CACNB4: variants seen among roughly 807,000 people sequenced by gnomAD.
The protein encoded by CACNB4 is calcium voltage-gated channel auxiliary subunit beta 4.
In CACNB4, 32 loss-of-function variants were observed where a neutral mutation model predicts 71.2. The ratio of observed to expected loss-of-function variants is 0.45; its 90% CI spans 0.34 to 0.60. The LOEUF is 0.60. CACNB4 is among the 20% of genes least tolerant of loss of function. CACNB4 has a pLI of 0.01. For missense variants in CACNB4, 464 were observed against 647.9 expected, an observed-to-expected ratio of 0.72 and a Z score of 3.08; for synonymous variants, 231 against 236.9, an observed-to-expected ratio of 0.97 and a Z score of 0.23.
At chr2:151,897,155 C>T (rs554613473) in intron 2 of CACNB4, among the ~76,000 whole-genome samples, 31 of 152,220 alleles carry the variant, frequency 2.0e-4, no homozygotes, top group Non-Finnish European at 3.7e-4. Flanking sequence ...AAAGCTCTTT[C>T]GAGGTCCTAT....
At chr2:152,021,592 T>G (rs1683670586) in intron 2 of CACNB4, among the ~76,000 whole-genome samples, 1 of 152,208 alleles carries the variant, frequency 6.6e-6, no homozygotes, top group African/African-American at 2.4e-5. Flanking sequence ...CTGTCAAAAC[T>G]TGCATAAATA....
chr2:152,098,659 C>T lies in CACNB4; in HGVS notation c.64-246G>A, dbSNP rs1327498898. 6.4e-7 allele frequency: 1 copy of T among 1,563,092 alleles called. No homozygotes were observed. Among genetic ancestry groups the T allele is most frequent in the Admixed American group, 1.9e-5 (1 of 53,906 alleles). On this transcript the variant is annotated intron_variant, in intron 1 of 13. Transcript: ENST00000539935. The surrounding 1 kb of genome is among the most constrained non-coding windows in gnomAD (Gnocchi z 5.3). The stretch of plus-strand genomic sequence containing the variant: ...CACCCACCACATCCATTAACAAAGA[C>T]TCTCAGGGTGCGGGGTCCGAGTCCC...
chr2:151,927,559 A>G (rs2099860561), intron 2 of CACNB4, among the ~76,000 whole-genome samples: 1 of 152,234 alleles, frequency 6.6e-6, no homozygotes, highest in Admixed American at 6.5e-5. Flanking sequence ...AGCAGAAGGT[A>G]TGAACAAATT....
chr2:151,975,554 G>A (rs560950875), intron 2 of CACNB4, among the ~76,000 whole-genome samples: 1 of 152,178 alleles, frequency 6.6e-6, no homozygotes, highest in South Asian at 2.1e-4. Flanking sequence ...GATGAGTGCA[G>A]TCAACGGGAT....
chr2:152,045,619 A>T (rs199608624), intron 2 of CACNB4, among the ~76,000 whole-genome samples: 11 of 7,918 alleles, frequency 1.4e-3, no homozygotes, highest in African/African-American at 2.1e-3. Flanking sequence ...ACCACATTTT[A>T]AAAAAAAAAA....
At chr2:151,867,823 C>G (rs1055231683) in intron 9 of CACNB4, 6 of 152,194 alleles carry the variant, frequency 3.9e-5, no homozygotes, top group Non-Finnish European at 5.9e-5. Flanking sequence ...CCCCAAATGA[C>G]AGAGGGAACA....
At chr2:152,054,285 G>A (rs1685609525) in intron 2 of CACNB4, among the ~76,000 whole-genome samples, 1 of 149,314 alleles carries the variant, frequency 6.7e-6, no homozygotes, top group Non-Finnish European at 1.5e-5. Flanking sequence ...AGAATGGCGT[G>A]AACCCGGGAG....
rs190350247 is a variant in CACNB4, at chr2:151,942,747, G to A, written c.148-59377C>T. 2.3e-3 allele frequency among the ~76,000 whole-genome samples: 350 copies of A among 152,262 alleles called. 2 individuals carry two copies. Among genetic ancestry groups the A allele is most frequent in the African/African-American group, 8.0e-3 (334 of 41,564 alleles). On this transcript the variant is annotated intron_variant, in intron 2 of 13. Transcript: ENST00000539935. ...CTAGGAATGTCTGTCCTATGCGGTTGAGATAAGGACTGAGATATGCCATGA... is the reference window on the plus strand; with the variant it reads ...CTAGGAATGTCTGTCCTATGCGGTTAAGATAAGGACTGAGATATGCCATGA...
At chr2:151,933,858 T>C (rs73001816) in intron 2 of CACNB4, among the ~76,000 whole-genome samples, 9,854 of 152,036 alleles carry the variant, frequency 0.065, 1,034 homozygotes, top group African/African-American at 0.23. Context: ...TCCTAAGACA[T>C]AGCAACTCAA....
chr2:151,895,922 T>G (rs1373660305), intron 2 of CACNB4, among the ~76,000 whole-genome samples: 8 of 151,536 alleles, frequency 5.3e-5, no homozygotes, highest in Non-Finnish European at 1.2e-4. Context: ...TCAGCTCACA[T>G]GCTCCTCTGC....
intron 2 of CACNB4, among the ~76,000 whole-genome samples, chr2:151,964,182 C>T (rs774819674): frequency 1.3e-5 from 2 of 151,538 alleles, no homozygotes; most frequent in African/African-American, 2.4e-5. Flanking sequence ...GGCTAAACCA[C>T]GCTGCACAGC....
At chr2:151,970,652 G>A (rs1454705784) in intron 2 of CACNB4, 4 of 152,234 alleles carry the variant, frequency 2.6e-5, no homozygotes, top group Non-Finnish European at 4.4e-5. Flanking sequence ...AGTGAAGGTA[G>A]AATAGGCAGC....
chr2:152,090,648 A>G (rs1354277384), intron 2 of CACNB4, among the ~76,000 whole-genome samples: 1 of 151,834 alleles, frequency 6.6e-6, no homozygotes, highest in Non-Finnish European at 1.5e-5. Context: ...CATCTCAAAA[A>G]AAAAAAAGAA....
chr2:151,924,855 G>C (rs1326216008), intron 2 of CACNB4, among the ~76,000 whole-genome samples: 1 of 151,832 alleles, frequency 6.6e-6, no homozygotes, highest in Non-Finnish European at 1.5e-5. Flanking sequence ...GTTGAGGTGT[G>C]GTAAGGATAG....
chr2:151,912,611 C>T (rs2099856471), intron 2 of CACNB4, among the ~76,000 whole-genome samples: 1 of 152,156 alleles, frequency 6.6e-6, no homozygotes, highest in Non-Finnish European at 1.5e-5. Flanking sequence ...AGAATAAATG[C>T]CAGGTGGCAC....
At chr2:151,846,111 T>A (rs2099837496) in intron 12 of CACNB4, among the ~76,000 whole-genome samples, 1 of 152,156 alleles carries the variant, frequency 6.6e-6, no homozygotes, top group Admixed American at 6.5e-5. Context: ...ATTTACAGAG[T>A]AAGAAGTAAT....
At chr2:151,886,378 A>G (rs1443317694) in intron 2 of CACNB4, among the ~76,000 whole-genome samples, 1 of 152,024 alleles carries the variant, frequency 6.6e-6, no homozygotes, top group East Asian at 1.9e-4. Context: ...CTGAATACAC[A>G]CTCCACTACT....
chr2:152,077,510 G>A (rs578027084), intron 2 of CACNB4, among the ~76,000 whole-genome samples: 101 of 152,298 alleles, frequency 6.6e-4, no homozygotes, highest in African/African-American at 2.3e-3. Context: ...CCAAGATCGC[G>A]CCACTGCACT....
intron 2 of CACNB4, among the ~76,000 whole-genome samples, chr2:151,987,816 T>C (rs1049876997): frequency 1.2e-4 from 18 of 152,222 alleles, no homozygotes; most frequent in African/African-American, 4.1e-4. Context: ...GACCCACCAA[T>C]TTAAATGTCT....
Sources: gnomAD v4.1 joint callset for allele counts (sites outside exome capture counted in the v4.1 genomes callset) on GRCh38, gnomAD v4.1.1 for gene constraint, Gnocchi (gnomAD v3.1) non-coding constraint, MANE v1.5 for transcripts, NCBI Gene and HGNC (gene_info 2026-07-23, HGNC 2026-07-21) for gene names.